MCM5: variants seen among roughly 807,000 people sequenced by gnomAD.
The protein encoded by MCM5 is DNA replication licensing factor MCM5.
In MCM5, 46 loss-of-function variants were observed where a neutral mutation model predicts 79.9. The ratio of observed to expected loss-of-function variants is 0.58; its 90% CI spans 0.45 to 0.74. MCM5 has a LOEUF of 0.74. MCM5 is among the 30% of genes least tolerant of loss of function. The probability of loss-of-function intolerance (pLI) is 0.00; values close to 1 mark genes in which losing one functional copy is unlikely to be tolerated. For synonymous variants in MCM5, 404 were observed against 390.5 expected, an observed-to-expected ratio of 1.03 and a Z score of -0.41; for missense variants, 883 against 1,017.0, an observed-to-expected ratio of 0.87 and a Z score of 1.79.
rs576728464 is a variant in MCM5, at chr22:35,415,936, C to T, written c.1311C>T (p.Ala437=). The T allele has an allele frequency of 1.4e-5, 23 of 1,614,090 alleles. No individual in the cohort carries two copies. Among genetic ancestry groups the T allele is most frequent in the Admixed American group, 5.0e-5 (3 of 60,020 alleles). ...TGGAGGGCGGAGCCATGGTCCTGGC[C>T]GATGGTGGGGTCGTCTGTATTGACG... ...FIMEGGAMVL[A]DGGVVCIDEF... Residue 437 remains alanine (A), a synonymous_variant, in exon 10 of 17, where the codon GCC becomes GCT. Transcript: ENST00000216122.
chr22:35,415,998 C>T (rs762253547), intron 10 of MCM5, 26 bp downstream of exon 10: 1 of 1,600,708 alleles, frequency 6.2e-7, no homozygotes, highest in South Asian at 1.1e-5. Context: ...TGGGTAGTAG[C>T]CAAAAGGTGG....
the MCM5 span, among the ~76,000 whole-genome samples, chr22:35,433,610 C>T: frequency 9.2e-5 from 14 of 152,294 alleles, no homozygotes; most frequent in Admixed American, 3.9e-4. Flanking sequence ...GTATGTAAGT[C>T]GCTCTTCTGT....
chr22:35,432,505 G>A, the MCM5 span, among the ~76,000 whole-genome samples: 59 of 152,318 alleles, frequency 3.9e-4, no homozygotes, highest in African/African-American at 1.4e-3. Context: ...GAGCAGGGAG[G>A]AGAAGCACCA....
Position 35,424,489 on chromosome 22 carries a change from G to A in MCM5, c.*234G>A. 2 of 462,026 alleles carry A rather than the reference G, an allele frequency of 4.3e-6. No homozygotes were observed. Among genetic ancestry groups the A allele is most frequent in the Non-Finnish European group, 7.7e-6 (2 of 259,658 alleles). 28.6% of individuals were successfully genotyped at this position (462,026 alleles called of 1,614,324 possible). On this transcript the variant is annotated 3_prime_UTR_variant, in exon 17 of 17. Transcript: ENST00000216122. ...TGGCATCCGTTAATAATAAAGCCACGGTGTGTTCAGGTATCTGTGGGTTTG... is the reference window on the plus strand; with the variant it reads ...TGGCATCCGTTAATAATAAAGCCACAGTGTGTTCAGGTATCTGTGGGTTTG...
intron 13 of MCM5, among the ~76,000 whole-genome samples, chr22:35,418,707 A>ACACACACACT (rs1555904725): frequency 1.3e-5 from 2 of 151,366 alleles, no homozygotes; most frequent in African/African-American, 4.9e-5. Context: ...ACACACACAC[A>ACACACACACT]CACTCACTCT....
At chr22:35,423,438 G>A (rs1355889006) in intron 16 of MCM5, 97 bp downstream of exon 16, 1 of 1,365,942 alleles carries the variant, frequency 7.3e-7, no homozygotes, top group African/African-American at 1.5e-5. Context: ...TCAGCAGACA[G>A]GCCCTGAACG....
chr22:35,410,174 A>T (rs184454705), intron 6 of MCM5, among the ~76,000 whole-genome samples: 4 of 152,074 alleles, frequency 2.6e-5, no homozygotes, highest in Non-Finnish European at 5.9e-5. Flanking sequence ...CACAGCGACT[A>T]AGTGTCCCTC....
intron 16 of MCM5, 64 bp from the exon 17 acceptor site, chr22:35,424,090 G>T: frequency 9.1e-7 from 1 of 1,094,850 alleles, no homozygotes; most frequent in East Asian, 2.7e-5. Flanking sequence ...GCCTGGGGAT[G>T]TCTGGGCTCT....
Position 35,421,392 on chromosome 22 carries a change from A to ATG in MCM5, c.1910_1911dup (p.Glu638TrpfsTer36), listed in dbSNP as rs757736953. ...CTGCAGCCCTTCGCCACAGAGGCAG[A>ATG]TGTGGAGGAGGCCCTGCGGCTCTTC... On this transcript the variant is annotated frameshift_variant, in exon 15 of 17. Coordinates refer to ENST00000216122, the MANE Select transcript of MCM5 (RefSeq NM_006739.4). LOFTEE classifies it high-confidence loss of function. 3 of 1,614,146 alleles carry ATG rather than the reference A, an allele frequency of 1.9e-6. No homozygotes were observed. The Admixed American group carries it at 5.0e-5, about 27-fold the overall frequency.
intron 8 of MCM5, among the ~76,000 whole-genome samples, chr22:35,413,382 C>T (rs1355763724): frequency 6.6e-6 from 1 of 152,138 alleles, no homozygotes. Context: ...TGTCTGAAGC[C>T]CAGTCATTCC....
At chr22:35,432,883 C>T in the MCM5 span, among the ~76,000 whole-genome samples, 29,725 of 151,724 alleles carry the variant, frequency 0.2, 3,528 homozygotes, top group East Asian at 0.49. Context: ...GTCTCGGGGG[C>T]AGATGGTGGA....
At chr22:35,436,566 G>A in the MCM5 span, among the ~76,000 whole-genome samples, 2 of 152,182 alleles carry the variant, frequency 1.3e-5, no homozygotes, top group Admixed American at 1.3e-4. Flanking sequence ...ACATCTCATG[G>A]GCCGGGGCTT....
At chr22:35,412,397 C>G in intron 7 of MCM5, 113 bp from the exon 8 acceptor site, 1 of 841,372 alleles carries the variant, frequency 1.2e-6, no homozygotes, top group Non-Finnish European at 1.7e-6. Flanking sequence ...TGTCCTGGCC[C>G]TAAGGGCCCT....
At chr22:35,423,022 TG>T in intron 15 of MCM5, 191 bp from the exon 16 acceptor site, 1 of 462,638 alleles carries the variant, frequency 2.2e-6, no homozygotes, top group Non-Finnish European at 3.7e-6. Flanking sequence ...GTGCTTGGCC[TG>T]GAGTGTCCCC....
the MCM5 span, among the ~76,000 whole-genome samples, chr22:35,444,100 C>T: frequency 1.3e-5 from 2 of 151,874 alleles, no homozygotes; most frequent in Non-Finnish European, 2.9e-5. Flanking sequence ...TCCATGTTAG[C>T]ATTGGTGCTG....
rs1167298044 is a variant in MCM5 at position 35,419,906 on chromosome 22, G to A, written c.1726G>A (p.Ala576Thr). The A allele has an allele frequency of 6.2e-7, 1 of 1,612,620 alleles. No individual in the cohort carries two copies. Among genetic ancestry groups the A allele is most frequent in the Admixed American group, 1.7e-5 (1 of 59,846 alleles). ...CAGGAAGTGTGGCCCCCGGCTGTCA[G>A]CAGAGGCTGCAGAGAAACTGAAGAA... ...CRVKCGPRLS[A>T]EAAEKLKNRY... Residue 576 changes from alanine (A) to threonine (T), a missense_variant, in exon 14 of 17, where the codon GCA becomes ACA. Transcript: ENST00000216122.
intron 15 of MCM5, 124 bp from the exon 16 acceptor site, chr22:35,423,090 G>T: frequency 9.4e-7 from 1 of 1,058,892 alleles, no homozygotes; most frequent in Non-Finnish European, 1.3e-6. Context: ...CACACTCGGT[G>T]CCCTTTTCTG....
intron 13 of MCM5, among the ~76,000 whole-genome samples, chr22:35,419,048 G>C (rs1431262608): frequency 2.6e-5 from 4 of 152,174 alleles, no homozygotes; most frequent in African/African-American, 9.7e-5. Context: ...ACTACCAGTG[G>C]GGGGCTGGTG....
chr22:35,402,331 GTT>G (rs1196712784), intron 2 of MCM5, among the ~76,000 whole-genome samples: 1 of 141,824 alleles, frequency 7.1e-6, no homozygotes, highest in Non-Finnish European at 1.6e-5. Flanking sequence ...TTTGTTTTTT[GTT>G]TTTTTTTTTT....
Sources: allele counts gnomAD v4.1 joint callset (sites outside exome capture counted in the v4.1 genomes callset), GRCh38; gene constraint gnomAD v4.1.1; transcripts MANE v1.5; gene names NCBI Gene and HGNC (gene_info 2026-07-23, HGNC 2026-07-21).